The following FBXO15 variants were observed in gnomAD, a reference collection of about 807,000 sequenced individuals.
FBXO15 encodes F-box protein 15.
In FBXO15, 30 loss-of-function variants were observed where a neutral mutation model predicts 49.5. The observed-to-expected ratio is 0.61, with a 90% CI of 0.45 to 0.82. The LOEUF (loss-of-function observed/expected upper bound fraction) is 0.82, where lower values mean the gene tolerates loss of function less well. Among genes scored for constraint, FBXO15 ranks in the 40% least tolerant of loss-of-function variants. The pLI, the probability that FBXO15 is intolerant of heterozygous loss-of-function variation, is 0.00. For synonymous variants in FBXO15, 250 were observed against 232.7 expected (o/e 1.07, Z -0.68); for missense variants, 591 against 631.5 (o/e 0.94, Z 0.69).
intron 8 of FBXO15, among the ~76,000 whole-genome samples, chr18:74,100,899 G>C (rs2145145233): frequency 6.6e-6 from 1 of 152,182 alleles, no homozygotes; most frequent in East Asian, 1.9e-4. Flanking sequence ...CAAGCAGTGA[G>C]ATTGAAATGG....
At chr18:74,118,562 T>C (rs1425988043) in intron 8 of FBXO15, among the ~76,000 whole-genome samples, 1 of 152,104 alleles carries the variant, frequency 6.6e-6, no homozygotes, top group African/African-American at 2.4e-5. Flanking sequence ...AAATTCTGTA[T>C]AAAGACTGTA....
At chr18:74,098,372 A>G (rs1913371400) in intron 8 of FBXO15, 1 of 152,202 alleles carries the variant, frequency 6.6e-6, no homozygotes, top group East Asian at 1.9e-4. Flanking sequence ...AAAAAAAGAT[A>G]TAAGAAATGA....
At position 74,140,196 on chromosome 18, in the gene FBXO15, A is replaced by G; in HGVS notation, c.227+6T>C. 1 of 1,550,194 alleles carries G rather than the reference A, an allele frequency of 6.5e-7. No homozygotes were observed. The highest frequency in any genetic ancestry group is 8.7e-7 in the Non-Finnish European group (1 of 1,146,396). ...CCAAAAGTGACAGTCTACTTCTGCT[A>G]CTTACCCATCCAGGAACCCAGAACA... On this transcript the variant is annotated splice_donor_region_variant and intron_variant, in intron 2 of 9. Coordinates refer to ENST00000419743, the MANE Select transcript of FBXO15 (RefSeq NM_001142958.2).
At chr18:74,135,524 T>C (rs1399000016) in intron 3 of FBXO15, among the ~76,000 whole-genome samples, 3 of 152,242 alleles carry the variant, frequency 2.0e-5, no homozygotes, top group African/African-American at 7.2e-5. Flanking sequence ...AGCTGCATTC[T>C]GTAACAGCTA....
chr18:74,083,555 T>C (rs965552703), intron 8 of FBXO15, among the ~76,000 whole-genome samples: 12 of 152,210 alleles, frequency 7.9e-5, no homozygotes, highest in African/African-American at 2.9e-4. Context: ...ACACAGCTTG[T>C]CCCCAGGACA....
At chr18:74,115,493 G>A (rs1048396518) in intron 8 of FBXO15, among the ~76,000 whole-genome samples, 1 of 152,080 alleles carries the variant, frequency 6.6e-6, no homozygotes, top group East Asian at 1.9e-4. Flanking sequence ...AGAAAATATC[G>A]TGACCAAGAG....
At chr18:74,081,533 A>G (rs1912495921) in intron 9 of FBXO15, among the ~76,000 whole-genome samples, 1 of 152,244 alleles carries the variant, frequency 6.6e-6, no homozygotes, top group African/African-American at 2.4e-5. Context: ...AATAAGTTTT[A>G]AATTGGTACA....
chr18:74,116,474 A>G (rs895888744), intron 8 of FBXO15, among the ~76,000 whole-genome samples: 1 of 152,154 alleles, frequency 6.6e-6, no homozygotes, highest in African/African-American at 2.4e-5. Context: ...CCCTTATTCA[A>G]AAATAGAATC....
At chr18:74,141,217 TA>T (rs1979055551) in intron 1 of FBXO15, among the ~76,000 whole-genome samples, 1 of 152,192 alleles carries the variant, frequency 6.6e-6, no homozygotes, top group Admixed American at 6.5e-5. Context: ...AAACCAGTAG[TA>T]CTCAGCAGCA....
chr18:74,081,477 C>T (rs979597822), intron 9 of FBXO15, among the ~76,000 whole-genome samples: 1 of 152,234 alleles, frequency 6.6e-6, no homozygotes, highest in African/African-American at 2.4e-5. Flanking sequence ...CTTTATTTAA[C>T]AGTTCAAGGA....
intron 8 of FBXO15, among the ~76,000 whole-genome samples, chr18:74,091,211 A>G (rs1913009615): frequency 6.6e-6 from 1 of 152,170 alleles, no homozygotes; most frequent in African/African-American, 2.4e-5. Context: ...TTGGAATAGT[A>G]ACCCCTGCTT....
chr18:74,081,218 C>T (rs1912480226), intron 9 of FBXO15, among the ~76,000 whole-genome samples: 1 of 152,166 alleles, frequency 6.6e-6, no homozygotes, highest in African/African-American at 2.4e-5. Context: ...GCATGCATAG[C>T]GCCGTATAAA....
At chr18:74,076,053 C>T (rs1486505085) in intron 9 of FBXO15, 1 of 152,274 alleles carries the variant, frequency 6.6e-6, no homozygotes, top group African/African-American at 2.4e-5. Flanking sequence ...CAGCAAAGCT[C>T]TCCTGGTACT....
intron 5 of FBXO15, 32 bp downstream of exon 5, chr18:74,129,373 C>T: frequency 6.4e-7 from 1 of 1,573,152 alleles, no homozygotes; most frequent in Non-Finnish European, 8.7e-7. Context: ...ATAAGATGCT[C>T]TCACTCAACA....
At chr18:74,124,453 T>C (rs373249472) in intron 7 of FBXO15, 36 bp downstream of exon 7, 1 of 1,526,460 alleles carries the variant, frequency 6.6e-7, no homozygotes, top group Non-Finnish European at 9.1e-7. Flanking sequence ...ATATTTACTG[T>C]ACAAAAATTC....
intron 8 of FBXO15, among the ~76,000 whole-genome samples, chr18:74,117,505 C>G (rs1447350672): frequency 6.6e-6 from 1 of 152,096 alleles, no homozygotes; most frequent in Admixed American, 6.6e-5. Context: ...AAAAGCACAT[C>G]ATTTAAAAGG....
intron 8 of FBXO15, among the ~76,000 whole-genome samples, chr18:74,100,650 A>G (rs1913475870): frequency 6.6e-6 from 1 of 152,146 alleles, no homozygotes; most frequent in Non-Finnish European, 1.5e-5. Flanking sequence ...AATAAATAAA[A>G]TTGATAGACC....
intron 1 of FBXO15, chr18:74,147,248 G>C (rs1400027575): frequency 1.3e-5 from 2 of 154,032 alleles, no homozygotes; most frequent in African/African-American, 4.8e-5. Context: ...ATAAGGTTTT[G>C]ATGAACAGAC....
intron 8 of FBXO15, among the ~76,000 whole-genome samples, chr18:74,083,306 C>T (rs1329757380): frequency 6.6e-6 from 1 of 152,366 alleles, no homozygotes; most frequent in African/African-American, 2.4e-5. Flanking sequence ...TCCCAGGCAA[C>T]AGCTCTGCTG....
Sources: gnomAD v4.1 joint callset for allele counts (sites outside exome capture counted in the v4.1 genomes callset) on GRCh38, gnomAD v4.1.1 for gene constraint, MANE v1.5 for transcripts, NCBI Gene and HGNC (gene_info 2026-07-23, HGNC 2026-07-21) for gene names.